Variants in MDGA2 observed in about 807,000 individuals in gnomAD.
MDGA2 encodes MAM domain-containing glycosylphosphatidylinositol anchor protein 2.
MDGA2 carries 40 observed loss-of-function variants against 117.8 expected under a neutral mutation model. That is an observed-to-expected ratio of 0.34 (90% CI 0.26 to 0.44). The LOEUF is 0.44. Ranked by LOEUF, MDGA2 falls within the 20% of genes least tolerant of loss-of-function variation. The probability of loss-of-function intolerance (pLI) is 1.00; values close to 1 mark genes in which losing one functional copy is unlikely to be tolerated. For missense variants in MDGA2, 1,123 were observed against 1,250.6 expected, an observed-to-expected ratio of 0.90 and a Z score of 1.54; for synonymous variants, 452 against 439.0, an observed-to-expected ratio of 1.03 and a Z score of -0.37.
chr14:47,481,564 A>G (rs992693067), intron 1 of MDGA2, among the ~76,000 whole-genome samples: 8 of 152,020 alleles, frequency 5.3e-5, no homozygotes, highest in Admixed American at 5.2e-4. Context: ...GCCTACAGAC[A>G]AAAGTAATCA....
intron 3 of MDGA2, among the ~76,000 whole-genome samples, chr14:47,174,375 C>T (rs1302934002): frequency 3.3e-5 from 5 of 152,072 alleles, no homozygotes; most frequent in African/African-American, 4.8e-5. Context: ...ACACCTATTC[C>T]AAAATTGACC....
chr14:47,055,002 C>CCT (rs1889621592), intron 7 of MDGA2, among the ~76,000 whole-genome samples: 1 of 125,674 alleles, frequency 8.0e-6, no homozygotes, highest in Non-Finnish European at 1.6e-5. Flanking sequence ...TTTTTCTTTT[C>CCT]TTTTTTTTTT....
At chr14:47,404,640 G>A (rs900665020) in intron 1 of MDGA2, among the ~76,000 whole-genome samples, 3 of 152,070 alleles carry the variant, frequency 2.0e-5, no homozygotes, top group African/African-American at 7.2e-5. Flanking sequence ...GACTATAGGT[G>A]TGCATCACCA....
At chr14:47,259,523 AAG>A (rs1395285423) in intron 2 of MDGA2, among the ~76,000 whole-genome samples, 1 of 152,068 alleles carries the variant, frequency 6.6e-6, no homozygotes, top group Non-Finnish European at 1.5e-5. Context: ...TTCTTTGGTA[AAG>A]AAACCTGTTT....
chr14:47,177,826 G>A (rs1231361931), intron 3 of MDGA2, among the ~76,000 whole-genome samples: 1 of 151,804 alleles, frequency 6.6e-6, no homozygotes, highest in African/African-American at 2.4e-5. Flanking sequence ...TTAAAAAGAA[G>A]AAATTTTATG....
chr14:47,433,311 C>T (rs113651622), intron 1 of MDGA2, among the ~76,000 whole-genome samples: 1 of 151,898 alleles, frequency 6.6e-6, no homozygotes, highest in South Asian at 2.1e-4. Flanking sequence ...TGGCTAGGAT[C>T]GTCTTCTGGA....
chr14:47,101,100 G>C (rs1189281152), intron 5 of MDGA2, among the ~76,000 whole-genome samples: 1 of 126,018 alleles, frequency 7.9e-6, no homozygotes, highest in African/African-American at 3.2e-5. Context: ...TAGATAGATA[G>C]ATAGATAGAT....
intron 5 of MDGA2, among the ~76,000 whole-genome samples, chr14:47,119,380 C>T (rs11157550): frequency 0.05 from 7,642 of 152,140 alleles, 240 homozygotes; most frequent in East Asian, 0.17. Flanking sequence ...TATTCTTTAA[C>T]TGTGGATCTG....
At chr14:47,179,093 T>A (rs1373741985) in intron 3 of MDGA2, among the ~76,000 whole-genome samples, 2 of 152,108 alleles carry the variant, frequency 1.3e-5, no homozygotes, top group East Asian at 3.9e-4. Flanking sequence ...GACAACCTAC[T>A]GTGCCTAGCC....
intron 7 of MDGA2, among the ~76,000 whole-genome samples, chr14:47,036,338 G>GA (rs1437476733): frequency 1.3e-5 from 2 of 149,930 alleles, no homozygotes; most frequent in African/African-American, 4.9e-5. Flanking sequence ...GATTTACAGA[G>GA]AATATTTATG....
intron 1 of MDGA2, among the ~76,000 whole-genome samples, chr14:47,517,734 A>C (rs1894784025): frequency 6.6e-6 from 1 of 152,202 alleles, no homozygotes; most frequent in African/African-American, 2.4e-5. Flanking sequence ...TTACTCAAAC[A>C]TCATGAAGAA....
At chr14:47,447,470 G>T (rs1467518694) in intron 1 of MDGA2, among the ~76,000 whole-genome samples, 1 of 152,142 alleles carries the variant, frequency 6.6e-6, no homozygotes, top group African/African-American at 2.4e-5. Context: ...CCATACTAAT[G>T]CTGTGTTTTC....
intron 8 of MDGA2, among the ~76,000 whole-genome samples, chr14:46,986,519 G>T (rs1416678921): frequency 6.1e-5 from 1 of 16,296 alleles, no homozygotes; most frequent in African/African-American, 8.3e-4. Flanking sequence ...AAATACTGAT[G>T]TAAGATCTTT....
intron 5 of MDGA2, among the ~76,000 whole-genome samples, chr14:47,117,787 T>C (rs956801910): frequency 1.3e-5 from 2 of 152,084 alleles, no homozygotes; most frequent in East Asian, 1.9e-4. Context: ...TCAACAGGCA[T>C]AAAGTTTAAG....
intron 1 of MDGA2, among the ~76,000 whole-genome samples, chr14:47,428,903 T>C (rs1450663541): frequency 6.6e-6 from 1 of 151,942 alleles, no homozygotes; most frequent in Non-Finnish European, 1.5e-5. Flanking sequence ...TTATACAAAA[T>C]ACTAAAAGCT....
chr14:47,246,090 C>T (rs144205608), intron 2 of MDGA2, among the ~76,000 whole-genome samples: 2 of 151,982 alleles, frequency 1.3e-5, no homozygotes, highest in East Asian at 3.9e-4. Flanking sequence ...CACTATGCTG[C>T]CCTATGCTCT....
Position 46,840,128 on chromosome 14 carries a change from G to A in MDGA2, c.*1803C>T, listed in dbSNP as rs1297160630. ...GAAAGAGGCTTTATTGAACATAGCT[G>A]TAAAATTATATTTTAAGTTGAATTA... On this transcript the variant is annotated 3_prime_UTR_variant, in exon 17 of 17. Transcript: ENST00000399232. 1 of 152,382 alleles carries A rather than the reference G, an allele frequency of 6.6e-6. No individual in the cohort carries two copies. The highest frequency in any genetic ancestry group is 1.5e-5 in the Non-Finnish European group (1 of 67,924). The allele number at this position is 152,382 out of a possible 1,614,324, so 9.4% of individuals were successfully genotyped here.
At chr14:47,275,961 A>C (rs981954374) in intron 2 of MDGA2, among the ~76,000 whole-genome samples, 7 of 152,122 alleles carry the variant, frequency 4.6e-5, no homozygotes, top group African/African-American at 1.7e-4. Context: ...GTCTCAAGCG[A>C]AAAATTCAAG....
At chr14:46,906,045 A>T (rs113402489) in intron 10 of MDGA2, among the ~76,000 whole-genome samples, 3 of 151,998 alleles carry the variant, frequency 2.0e-5, no homozygotes, top group East Asian at 1.9e-4. Flanking sequence ...AGAGTCATCA[A>T]TAATTTACTA....
Sources: allele counts gnomAD v4.1 joint callset (sites outside exome capture counted in the v4.1 genomes callset), GRCh38; gene constraint gnomAD v4.1.1; transcripts MANE v1.5; gene names NCBI Gene and HGNC (gene_info 2026-07-23, HGNC 2026-07-21).